RTF1: variants seen among roughly 807,000 people sequenced by gnomAD.
RTF1 encodes RTF1 homolog, Paf1/RNA polymerase II complex component.
RTF1 carries 10 observed loss-of-function variants against 95.7 expected under a neutral mutation model. That is an observed-to-expected ratio of 0.10 (90% CI 0.06 to 0.18). The LOEUF is 0.18. Ranked by LOEUF, RTF1 falls within the 10% of genes least tolerant of loss-of-function variation. RTF1 has a pLI of 1.00. For missense variants in RTF1, 458 were observed against 875.6 expected (o/e 0.52, Z 6.02); for synonymous variants, 305 against 311.8 (o/e 0.98, Z 0.23).
intron 1 of RTF1, among the ~76,000 whole-genome samples, chr15:41,426,012 A>G (rs2050627419): frequency 6.6e-6 from 1 of 152,022 alleles, no homozygotes. Flanking sequence ...GCCAGGCACA[A>G]TGGCTCATGC....
At chr15:41,468,586 G>A (rs1039733576) in intron 6 of RTF1, among the ~76,000 whole-genome samples, 2 of 152,102 alleles carry the variant, frequency 1.3e-5, no homozygotes, top group South Asian at 2.1e-4. Flanking sequence ...CAAAGTGCTG[G>A]GATTACAGGT....
At chr15:41,423,008 G>A (rs1175858377) in intron 1 of RTF1, among the ~76,000 whole-genome samples, 2 of 152,160 alleles carry the variant, frequency 1.3e-5, no homozygotes, top group African/African-American at 2.4e-5. Flanking sequence ...TCCTGACCTC[G>A]TGATCCACCC....
intron 5 of RTF1, 24 bp from the exon 6 acceptor site, chr15:41,466,117 T>C (rs1430281338): frequency 1.4e-6 from 2 of 1,470,470 alleles, no homozygotes. Flanking sequence ...AAAAGGGCCA[T>C]TCTATATATC....
intron 1 of RTF1, among the ~76,000 whole-genome samples, chr15:41,431,652 C>G (rs1181067803): frequency 6.6e-6 from 1 of 152,048 alleles, no homozygotes; most frequent in African/African-American, 2.4e-5. Flanking sequence ...CATGTGCCAC[C>G]ACACCTGGCT....
chr15:41,435,749 T>C (rs1329380848), intron 1 of RTF1, among the ~76,000 whole-genome samples: 1 of 152,222 alleles, frequency 6.6e-6, no homozygotes, highest in Non-Finnish European at 1.5e-5. Context: ...ATAAAACAGA[T>C]ACTTTGTAGC....
chr15:41,455,176 T>G (rs957975541), intron 3 of RTF1, among the ~76,000 whole-genome samples: 1 of 151,934 alleles, frequency 6.6e-6, no homozygotes, highest in Non-Finnish European at 1.5e-5. Flanking sequence ...TAGCTCAGCA[T>G]GGTGGTGCCT....
chr15:41,420,854 CA>C (rs2050596918), intron 1 of RTF1, among the ~76,000 whole-genome samples: 1 of 152,174 alleles, frequency 6.6e-6, no homozygotes, highest in Admixed American at 6.6e-5. Context: ...ATCAGACTCT[CA>C]GGGGATAGAG....
intron 8 of RTF1, among the ~76,000 whole-genome samples, chr15:41,472,160 G>A (rs1415087137): frequency 1.3e-5 from 2 of 150,368 alleles, no homozygotes; most frequent in African/African-American, 4.9e-5. Context: ...GCCTCCCAAA[G>A]TGCTGGCGTG....
intron 7 of RTF1, among the ~76,000 whole-genome samples, chr15:41,470,909 C>T (rs1469250914): frequency 6.6e-6 from 1 of 152,000 alleles, no homozygotes; most frequent in Non-Finnish European, 1.5e-5. Flanking sequence ...CCGCCCGCCT[C>T]GGCCTCCCAA....
chr15:41,467,339 A>G (rs945853236), intron 6 of RTF1, among the ~76,000 whole-genome samples: 4 of 152,200 alleles, frequency 2.6e-5, no homozygotes, highest in African/African-American at 4.8e-5. Context: ...TGGAATTGGC[A>G]TAGTGTCACT....
rs764563551 is a variant in RTF1, at chr15:41,423,746, T to TTTTA, written c.198+6453_198+6456dup. Among the ~76,000 whole-genome samples, 436 of 151,992 alleles carry TTTTA rather than the reference T, an allele frequency of 2.9e-3. 3 individuals are homozygous for TTTTA. The highest frequency in any genetic ancestry group is 9.8e-3 in the South Asian group (47 of 4,810). On this transcript the variant is annotated intron_variant, in intron 1 of 17. Transcript: ENST00000389629. ...ACACAGGTCATATTGGTGTATTTAT[T>TTTTA]TTTATTTATTTATTTATTTATTTTG...
At chr15:41,430,668 G>C (rs1387125829) in intron 1 of RTF1, among the ~76,000 whole-genome samples, 1 of 151,636 alleles carries the variant, frequency 6.6e-6, no homozygotes, top group Non-Finnish European at 1.5e-5. Context: ...TTGAACCTGG[G>C]AGGCAAAGGC....
At position 41,418,784 on chromosome 15, in the gene RTF1, CA is replaced by C. The variant is rs753790136; in HGVS notation, c.198+1488del. Among the ~76,000 whole-genome samples, 173 of 52,850 alleles carry C rather than the reference CA, an allele frequency of 3.3e-3. 1 individual carries two copies. The highest frequency in any genetic ancestry group is 0.01 in the Middle Eastern group (1 of 96). The allele number at this position is 52,850 out of a possible 152,430, so 34.7% of individuals were successfully genotyped here. On this transcript the variant is annotated intron_variant, in intron 1 of 17. Transcript: ENST00000389629. ...GGGCAACAAGAGCGAAACTCCATCACAAAAAAAAAAAAAAAAAGAAAAGAAA... is the reference window on the plus strand; with the variant it reads ...GGGCAACAAGAGCGAAACTCCATCACAAAAAAAAAAAAAAAAGAAAAGAAA...
At chr15:41,472,362 G>A (rs1293147880) in intron 8 of RTF1, among the ~76,000 whole-genome samples, 2 of 146,870 alleles carry the variant, frequency 1.4e-5, no homozygotes, top group Non-Finnish European at 3.0e-5. Flanking sequence ...ACCCGCCACC[G>A]TGCCTGGCTA....
intron 2 of RTF1, among the ~76,000 whole-genome samples, chr15:41,449,227 A>ATTTTTTTTTTTTTTTTTTTTTTTTTTT (rs34660598): frequency 1.8e-5 from 2 of 109,314 alleles, no homozygotes; most frequent in African/African-American, 7.6e-5. Flanking sequence ...AGGCAGGTGA[A>ATTTTTTTTTTTTTTTTTTTTTTTTTTT]TTTTTTTTTT....
intron 6 of RTF1, among the ~76,000 whole-genome samples, chr15:41,468,160 C>G (rs2050889754): frequency 6.6e-6 from 1 of 151,826 alleles, no homozygotes; most frequent in Non-Finnish European, 1.5e-5. Flanking sequence ...GAGTGAGACT[C>G]TGTCTCAAAA....
At chr15:41,445,621 G>C (rs2050756968) in intron 2 of RTF1, among the ~76,000 whole-genome samples, 1 of 151,968 alleles carries the variant, frequency 6.6e-6, no homozygotes, top group Admixed American at 6.6e-5. Context: ...GGAAAAGAAA[G>C]CTAAGAAAGC....
At chr15:41,443,286 A>G (rs1176816975) in intron 2 of RTF1, among the ~76,000 whole-genome samples, 1 of 152,210 alleles carries the variant, frequency 6.6e-6, no homozygotes, top group African/African-American at 2.4e-5. Context: ...TGTTTCACAT[A>G]TAATGTAGCT....
At chr15:41,478,500 G>C (rs771516390) in intron 14 of RTF1, 48 bp from the exon 15 acceptor site, 1 of 1,408,942 alleles carries the variant, frequency 7.1e-7, no homozygotes, top group East Asian at 2.3e-5. Flanking sequence ...TGGTGAATGA[G>C]AGGAGGGGCT....
Sources: gnomAD v4.1 joint callset for allele counts (sites outside exome capture counted in the v4.1 genomes callset) on GRCh38, gnomAD v4.1.1 for gene constraint, MANE v1.5 for transcripts, NCBI Gene and HGNC (gene_info 2026-07-23, HGNC 2026-07-21) for gene names.